Variants in PCDHA2 observed in about 807,000 individuals in gnomAD.
The protein encoded by PCDHA2 is protocadherin alpha 2.
PCDHA2 carries 58 observed loss-of-function variants against 66.0 expected under a neutral mutation model. The ratio of observed to expected loss-of-function variants is 0.88; its 90% CI spans 0.71 to 1.09. The LOEUF (loss-of-function observed/expected upper bound fraction) is 1.09. Ranked by LOEUF, PCDHA2 falls within the 50% of genes least tolerant of loss-of-function variation. The pLI is 0.00. For synonymous variants in PCDHA2, 634 were observed against 554.0 expected (o/e 1.14, Z -2.03); for missense variants, 1,267 against 1,242.3 (o/e 1.02, Z -0.30).
chr5:140,867,025 C>G lies in PCDHA2; in HGVS notation c.2388+69673C>G, dbSNP rs560327933. 2.6e-5 allele frequency: 4 copies of G among 152,270 alleles called. No homozygotes were observed. The East Asian group carries it at 7.7e-4, about 29-fold the overall frequency. The allele number at this position is 152,270 out of a possible 1,614,324, so 9.4% of individuals were successfully genotyped here. Reference sequence around the variant, plus strand: ...TCATTGATTCATACACTATATCAAACTCTTTTATGACTTGGCGTTTGTTCA... The same window carrying G: ...TCATTGATTCATACACTATATCAAAGTCTTTTATGACTTGGCGTTTGTTCA... On this transcript the variant is annotated intron_variant, in intron 1 of 3. Transcript: ENST00000526136.
chr5:140,835,419 A>T, intron 1 of PCDHA2: 1 of 1,613,974 alleles, frequency 6.2e-7, no homozygotes, highest in Non-Finnish European at 8.5e-7. Context: ...TGTAAATGAC[A>T]ATGCTCCACA....
chr5:140,817,181 GA>G (rs1554127223), intron 1 of PCDHA2: 2 of 152,204 alleles, frequency 1.3e-5, no homozygotes, highest in Non-Finnish European at 2.9e-5. Context: ...CAGCTCCCCT[GA>G]AAAGTCAGAA....
chr5:140,938,086 TTTA>T (rs1189650554), intron 1 of PCDHA2, among the ~76,000 whole-genome samples: 6 of 152,142 alleles, frequency 3.9e-5, no homozygotes, highest in African/African-American at 1.4e-4. Flanking sequence ...TAATGTTAGT[TTTA>T]TTATTGTATT....
chr5:140,993,906 C>T (rs1245923228), intron 3 of PCDHA2, among the ~76,000 whole-genome samples: 1 of 152,088 alleles, frequency 6.6e-6, no homozygotes, highest in Non-Finnish European at 1.5e-5. Flanking sequence ...AACAAAAATG[C>T]CTAGTGATGC....
chr5:140,957,555 A>G (rs911734380), intron 1 of PCDHA2, among the ~76,000 whole-genome samples: 4 of 152,120 alleles, frequency 2.6e-5, no homozygotes, highest in Admixed American at 2.6e-4. Flanking sequence ...TTCTCTGTGG[A>G]AAAGGAGGGA....
At chr5:140,927,701 A>G (rs2084527211) in intron 1 of PCDHA2, 1 of 1,614,052 alleles carries the variant, frequency 6.2e-7, no homozygotes, top group South Asian at 1.1e-5. Context: ...GAAGTCCAGT[A>G]CTCCCTAAGC....
At chr5:140,823,331 T>G in intron 1 of PCDHA2, 2 of 1,612,068 alleles carry the variant, frequency 1.2e-6, no homozygotes, top group Non-Finnish European at 1.7e-6. Context: ...GTGTACGCGC[T>G]GCAGCCGCTG....
At chr5:140,887,757 C>T (rs1303665192) in intron 1 of PCDHA2, among the ~76,000 whole-genome samples, 16 of 152,166 alleles carry the variant, frequency 1.1e-4, no homozygotes, top group Admixed American at 9.8e-4. Flanking sequence ...TCCAGTAACA[C>T]ATATGTTACA....
At chr5:140,992,949 T>G (rs1554253294) in intron 3 of PCDHA2, among the ~76,000 whole-genome samples, 1 of 152,162 alleles carries the variant, frequency 6.6e-6, no homozygotes, top group Admixed American at 6.5e-5. Context: ...GGAGATTAAA[T>G]CACCCCTTAT....
intron 1 of PCDHA2, chr5:140,866,190 G>C (rs1420527547): frequency 6.6e-6 from 1 of 152,128 alleles, no homozygotes; most frequent in African/African-American, 2.4e-5. Context: ...TCAGAAAACT[G>C]TGGTTTCCAA....
chr5:140,797,621 G>T, intron 1 of PCDHA2: 1 of 478,228 alleles, frequency 2.1e-6, no homozygotes. Flanking sequence ...AAACACCTCA[G>T]CAAAATTTGT....
At chr5:140,882,611 C>T in intron 1 of PCDHA2, 1 of 1,614,252 alleles carries the variant, frequency 6.2e-7, no homozygotes, top group Non-Finnish European at 8.5e-7. Context: ...CAGGCCTCTG[C>T]AGGTTTTCCA....
chr5:140,966,926 C>T (rs782811757), intron 1 of PCDHA2: 22 of 1,603,344 alleles, frequency 1.4e-5, no homozygotes, highest in Middle Eastern at 1.6e-4. Context: ...GGAGCAGGCA[C>T]CCGGCGCGCT....
intron 1 of PCDHA2, among the ~76,000 whole-genome samples, chr5:140,838,075 ATAGT>A (rs1236223360): frequency 0.032 from 4,047 of 127,880 alleles, 62 homozygotes; most frequent in African/African-American, 0.052. Context: ...TTATATATAT[ATAGT>A]GTGTGTGTGT....
At chr5:140,926,618 G>T in intron 1 of PCDHA2, 1 of 382,578 alleles carries the variant, frequency 2.6e-6, no homozygotes, top group Non-Finnish European at 4.6e-6. Flanking sequence ...TGCACCCCTA[G>T]GCGGCGCTGC....
intron 1 of PCDHA2, among the ~76,000 whole-genome samples, chr5:140,959,609 T>A (rs2095500700): frequency 6.6e-6 from 1 of 152,184 alleles, no homozygotes; most frequent in South Asian, 2.1e-4. Flanking sequence ...ATGCTTTTCT[T>A]GCTTGTGATA....
intron 1 of PCDHA2, chr5:140,808,340 G>C: frequency 6.2e-7 from 1 of 1,614,254 alleles, no homozygotes; most frequent in Non-Finnish European, 8.5e-7. Flanking sequence ...CAATGGGCTG[G>C]TCACCTGCTC....
chr5:140,849,276 G>T, intron 1 of PCDHA2: 1 of 1,173,354 alleles, frequency 8.5e-7, no homozygotes, highest in Non-Finnish European at 1.2e-6. Flanking sequence ...CGGAACGCTG[G>T]TGATTCACCC....
Position 140,892,397 on chromosome 5 carries a change from T to C in PCDHA2, c.2389-86552T>C, listed in dbSNP as rs554853881. On this transcript the variant is annotated intron_variant, in intron 1 of 3. Coordinates refer to ENST00000526136, the MANE Select transcript of PCDHA2 (RefSeq NM_018905.3). ...GCAATCATGGGTAATCTTAATCTAT[T>C]TCAAGCTTCAGGTATTCTAGATAAA... is the stretch of plus-strand genomic sequence containing the variant. Among the ~76,000 whole-genome samples the C allele has an allele frequency of 2.0e-5, 3 of 152,326 alleles. No homozygotes were observed. The South Asian group carries it at 6.2e-4, about 32-fold the overall frequency.
Sources: gnomAD v4.1 joint callset for allele counts (sites outside exome capture counted in the v4.1 genomes callset) on GRCh38, gnomAD v4.1.1 for gene constraint, MANE v1.5 for transcripts, NCBI Gene and HGNC (gene_info 2026-07-23, HGNC 2026-07-21) for gene names.